The following RNF213 variants were observed in gnomAD, a reference collection of about 807,000 sequenced individuals.
The protein encoded by RNF213 is E3 ubiquitin-protein ligase RNF213.
In RNF213, 341 loss-of-function variants were observed where a neutral mutation model predicts 514.4. The ratio of observed to expected loss-of-function variants is 0.66; its 90% CI spans 0.61 to 0.73. RNF213 has a LOEUF of 0.73. Ranked by LOEUF, RNF213 falls within the 30% of genes least tolerant of loss-of-function variation. RNF213 has a pLI of 0.00. For missense variants in RNF213, 5,767 were observed against 6,615.6 expected (o/e 0.87, Z 4.45); for synonymous variants, 2,655 against 2,658.2 (o/e 1.00, Z 0.04).
intron 3 of RNF213, among the ~76,000 whole-genome samples, chr17:80,286,807 A>G (rs1411860479): frequency 1.3e-5 from 2 of 151,772 alleles, no homozygotes; most frequent in East Asian, 3.9e-4. Flanking sequence ...ATCCACACGC[A>G]CCCCTGAGTA....
chr17:80,323,810 G>A (rs2046206838), intron 17 of RNF213, among the ~76,000 whole-genome samples: 1 of 135,380 alleles, frequency 7.4e-6, no homozygotes, highest in Non-Finnish European at 1.6e-5. Context: ...CACTTCTTTT[G>A]TTAAATTTCT....
rs200093086 is a variant in RNF213, at chr17:80,288,777, C to T, written c.933+22C>T. On this transcript the variant is annotated intron_variant, in intron 5 of 67. Transcript: ENST00000582970. The surrounding 1 kb of genome is among the most constrained non-coding windows in gnomAD (Gnocchi z 4.9). ...CCAGGTGCGTCTCCTTCCTGCCTGC[C>T]GGCTCCAGGAGGCCCTCTCCTGCCC... The T allele has an allele frequency of 4.0e-5, 64 of 1,613,938 alleles. No homozygotes were observed. Among genetic ancestry groups the T allele is most frequent in the Middle Eastern group, 1.7e-4 (1 of 5,860 alleles).
At chr17:80,290,038 C>T (rs1287691396) in intron 6 of RNF213, among the ~76,000 whole-genome samples, 1 of 152,168 alleles carries the variant, frequency 6.6e-6, no homozygotes, top group Non-Finnish European at 1.5e-5. Flanking sequence ...CTAATAGCCC[C>T]TGGGGTCCTG....
intron 18 of RNF213, among the ~76,000 whole-genome samples, chr17:80,326,207 G>A (rs967258872): frequency 2.6e-5 from 4 of 151,912 alleles, no homozygotes; most frequent in East Asian, 3.9e-4. Context: ...CACCGTAAGC[G>A]CTGACCTCCC....
At position 80,337,541 on chromosome 17, in the gene RNF213, C is replaced by T. The variant is rs372312610; in HGVS notation, c.4528-45C>T. 20 of 1,530,632 alleles carry T rather than the reference C, an allele frequency of 1.3e-5. No homozygotes were observed. In the African/African-American group the frequency reaches 2.6e-4, roughly 20 times the overall value. The allele number at this position is 1,530,632 out of a possible 1,614,324, so 94.8% of individuals were successfully genotyped here. On this transcript the variant is annotated intron_variant, in intron 23 of 67. Transcript: ENST00000582970. The stretch of plus-strand genomic sequence containing the variant: ...ACCACAGGAGGGAGAAGGGCAAGAT[C>T]CTCGCTCCAACCGTGGCCCGTGTTC...
At chr17:80,318,335 G>A (rs2046016216) in intron 16 of RNF213, among the ~76,000 whole-genome samples, 1 of 152,170 alleles carries the variant, frequency 6.6e-6, no homozygotes, top group Admixed American at 6.5e-5. Context: ...GCTCGAAGGT[G>A]GGGTTTTGCC....
chr17:80,313,015 T>G lies in RNF213; in HGVS notation c.2659T>G (p.Ser887Ala). 1 of 1,613,858 alleles carries G rather than the reference T, an allele frequency of 6.2e-7. No individual in the cohort carries two copies. Among genetic ancestry groups the G allele is most frequent in the African/African-American group, 1.3e-5 (1 of 75,058 alleles). Residue 887 changes from serine (S) to alanine (A), a missense_variant, in exon 15 of 68, where the codon TCT becomes GCT. Physicochemically the swap from Ser to Ala is moderately conservative, Grantham distance 99. Around this residue, in one of 13 missense-constraint regions of RNF213, gnomAD observed 592 missense variants for 673.9 expected, o/e 0.88. Transcript: ENST00000582970. ...CCTCCCTCTTGTGTGACAACAGGAT[T>G]CTGCAGGACAGAGAGATGAAACTGG... ...RMIRLLSLVD[S>A]AGQRDETGNN...
At chr17:80,303,936 C>T (rs2045269542) in intron 11 of RNF213, among the ~76,000 whole-genome samples, 1 of 149,776 alleles carries the variant, frequency 6.7e-6, no homozygotes, top group South Asian at 2.1e-4. Context: ...AAACTATTAA[C>T]TCAGCCCCTG....
At chr17:80,305,353 T>C (rs1057426738) in intron 11 of RNF213, among the ~76,000 whole-genome samples, 1 of 151,360 alleles carries the variant, frequency 6.6e-6, no homozygotes, top group African/African-American at 2.4e-5. Flanking sequence ...TAATTTAGGA[T>C]TTTTAGTAGA....
intron 39 of RNF213, among the ~76,000 whole-genome samples, chr17:80,362,222 A>G (rs2079082801): frequency 6.6e-6 from 1 of 152,244 alleles, no homozygotes; most frequent in Admixed American, 6.5e-5. Context: ...CAGGGTAAGA[A>G]TAAACAAGTG....
At chr17:80,282,416 T>C (rs1384767962) in intron 3 of RNF213, among the ~76,000 whole-genome samples, 2 of 152,120 alleles carry the variant, frequency 1.3e-5, no homozygotes, top group Non-Finnish European at 2.9e-5. Context: ...TATTATTTTT[T>C]GAGATGGAGT....
intron 3 of RNF213, among the ~76,000 whole-genome samples, chr17:80,279,649 A>G (rs970647260): frequency 1.3e-5 from 2 of 151,748 alleles, no homozygotes; most frequent in African/African-American, 4.8e-5. Flanking sequence ...GTGTATTTTT[A>G]GTAGAGACGG....
chr17:80,274,335 G>T (rs1410954395), intron 3 of RNF213, among the ~76,000 whole-genome samples: 1 of 151,422 alleles, frequency 6.6e-6, no homozygotes, highest in Non-Finnish European at 1.5e-5. Context: ...AGCACTAGGC[G>T]AGGCTTTCGA....
intron 3 of RNF213, among the ~76,000 whole-genome samples, chr17:80,281,254 T>C (rs62635847): frequency 0.46 from 13,767 of 29,836 alleles, 2,992 homozygotes; most frequent in East Asian, 0.54. Context: ...TCAACACACA[T>C]ACCCCACTCA....
intron 3 of RNF213, among the ~76,000 whole-genome samples, chr17:80,276,448 T>C (rs1337282672): frequency 3.3e-5 from 5 of 152,034 alleles, no homozygotes; most frequent in African/African-American, 1.2e-4. Context: ...CTAGTGGAAA[T>C]CTGCTTGAAT....
intron 54 of RNF213, among the ~76,000 whole-genome samples, chr17:80,378,672 A>G (rs2079860366): frequency 6.6e-6 from 1 of 152,134 alleles, no homozygotes; most frequent in African/African-American, 2.4e-5. Flanking sequence ...AAACTGTTAC[A>G]TACACTTCAT....
Position 80,397,142 on chromosome 17 carries a change from T to TA in RNF213, c.*3645dup, listed in dbSNP as rs2080682027. On this transcript the variant is annotated 3_prime_UTR_variant, in exon 68 of 68. Coordinates refer to ENST00000582970, the MANE Select transcript of RNF213 (RefSeq NM_001256071.3). ...CACAGGTCCATGAGTGACTCCTAAT[T>TA]ACCAAATCCAAGGGCTCCTTCACCC... 6.6e-6 allele frequency: 1 copy of TA among 152,346 alleles called. No individual in the cohort carries two copies. Among genetic ancestry groups the TA allele is most frequent in the Admixed American group, 6.5e-5 (1 of 15,270 alleles). 9.4% of individuals were successfully genotyped at this position (152,346 alleles called of 1,614,324 possible). A position where few individuals can be genotyped will look rare whatever the true frequency, so the allele number is the denominator to read the frequency against.
chr17:80,362,562 C>T (rs370319556), intron 39 of RNF213, among the ~76,000 whole-genome samples: 6 of 152,218 alleles, frequency 3.9e-5, no homozygotes, highest in African/African-American at 9.6e-5. Context: ...CAACAGCCGC[C>T]GGCCAGTGCT....
chr17:80,329,366 C>T (rs1047588341), intron 20 of RNF213, among the ~76,000 whole-genome samples: 1 of 152,262 alleles, frequency 6.6e-6, no homozygotes, highest in African/African-American at 2.4e-5. Flanking sequence ...TCTGAAGTTT[C>T]AATGTGCTGC....
Sources: gnomAD v4.1 joint callset for allele counts (sites outside exome capture counted in the v4.1 genomes callset) on GRCh38, gnomAD v4.1.1 for gene constraint, gnomAD v4.1.1 regional missense constraint, Gnocchi (gnomAD v3.1) non-coding constraint, MANE v1.5 for transcripts, NCBI Gene and HGNC (gene_info 2026-07-23, HGNC 2026-07-21) for gene names.